Variants in SLC14A2 observed in about 807,000 individuals in gnomAD.
SLC14A2 encodes the protein solute carrier family 14 member 2.
Under a neutral mutation model 104.6 loss-of-function variants are expected in SLC14A2, and 91 were observed. The observed-to-expected ratio is 0.87, with a 90% CI of 0.73 to 1.04. The LOEUF (loss-of-function observed/expected upper bound fraction) is 1.04. Ranked by LOEUF, SLC14A2 falls within the 50% of genes least tolerant of loss-of-function variation. The probability of loss-of-function intolerance (pLI) is 0.00; values close to 1 mark genes in which losing one functional copy is unlikely to be tolerated. For missense variants in SLC14A2, 1,189 were observed against 1,156.0 expected (o/e 1.03, Z -0.41); for synonymous variants, 476 against 466.4 (o/e 1.02, Z -0.27).
intron 2 of SLC14A2, among the ~76,000 whole-genome samples, chr18:45,570,722 G>C (rs1410230281): frequency 6.6e-6 from 1 of 152,140 alleles, no homozygotes; most frequent in Non-Finnish European, 1.5e-5. Context: ...CCTCCTCCTG[G>C]AGTATCATTT....
intron 4 of SLC14A2, among the ~76,000 whole-genome samples, chr18:45,627,608 G>A (rs1480881638): frequency 6.6e-6 from 1 of 152,230 alleles, no homozygotes; most frequent in Non-Finnish European, 1.5e-5. Flanking sequence ...GAGGAGGACA[G>A]TGTGGGAAGG....
chr18:45,189,432 T>C, the SLC14A2 span, among the ~76,000 whole-genome samples: 1 of 152,206 alleles, frequency 6.6e-6, no homozygotes, highest in African/African-American at 2.4e-5. Flanking sequence ...GTTGTCTTTC[T>C]TGTTGATAGA....
intron 2 of SLC14A2, among the ~76,000 whole-genome samples, chr18:45,575,803 T>C (rs1000592181): frequency 1.7e-4 from 25 of 148,790 alleles, no homozygotes; most frequent in Admixed American, 6.0e-4. Flanking sequence ...TTTTTTTTTT[T>C]CTTCCCACTT....
intron 1 of SLC14A2, among the ~76,000 whole-genome samples, chr18:45,400,757 T>C (rs1355076914): frequency 6.6e-6 from 1 of 152,216 alleles, no homozygotes; most frequent in African/African-American, 2.4e-5. Flanking sequence ...GAGCTTTATT[T>C]TCTCCCCATG....
intron 2 of SLC14A2, among the ~76,000 whole-genome samples, chr18:45,607,227 A>C (rs1192032491): frequency 6.6e-6 from 1 of 152,190 alleles, no homozygotes; most frequent in East Asian, 1.9e-4. Context: ...TTCAAAACCA[A>C]TCCCCAGTCA....
At chr18:45,334,445 G>A (rs2085318894) in intron 1 of SLC14A2, among the ~76,000 whole-genome samples, 1 of 152,114 alleles carries the variant, frequency 6.6e-6, no homozygotes, top group Non-Finnish European at 1.5e-5. Flanking sequence ...CTGTACTACA[G>A]TGGCAGTAGT....
chr18:45,315,291 T>C (rs1249749689), intron 1 of SLC14A2, among the ~76,000 whole-genome samples: 2 of 151,952 alleles, frequency 1.3e-5, no homozygotes, highest in African/African-American at 4.8e-5. Flanking sequence ...CTGATTCCAG[T>C]TGTGGTCTAA....
intron 2 of SLC14A2, among the ~76,000 whole-genome samples, chr18:45,501,852 C>G (rs1370307977): frequency 6.6e-6 from 1 of 152,184 alleles, no homozygotes; most frequent in African/African-American, 2.4e-5. Context: ...AAGGAGGAAG[C>G]CCACAAGTCT....
chr18:45,230,064 A>G (rs1246123133), intron 1 of SLC14A2, among the ~76,000 whole-genome samples: 5 of 152,222 alleles, frequency 3.3e-5, no homozygotes, highest in Admixed American at 2.0e-4. Flanking sequence ...TATGGTAAAC[A>G]CTATTTGAGG....
At chr18:45,303,195 C>T (rs1179603669) in intron 1 of SLC14A2, among the ~76,000 whole-genome samples, 1 of 152,154 alleles carries the variant, frequency 6.6e-6, no homozygotes, top group Non-Finnish European at 1.5e-5. Context: ...AGGGAAATGA[C>T]GTACAGAAAT....
chr18:45,593,453 TTC>T lies in SLC14A2; in HGVS notation c.-34-31176_-34-31175del, dbSNP rs528466593. On this transcript the variant is annotated intron_variant, in intron 2 of 20. Transcript: ENST00000586448. ...TAATAGTGAAATCCCAAGAATGACA[TTC>T]TGAGATATGATAACTAAGCATTTCC... 5.2e-3 allele frequency among the ~76,000 whole-genome samples: 793 copies of T among 151,572 alleles called. 3 individuals are homozygous for T. The highest frequency in any genetic ancestry group is 7.8e-3 in the Non-Finnish European group (533 of 67,954).
At chr18:45,538,058 G>A (rs2144849713) in intron 2 of SLC14A2, among the ~76,000 whole-genome samples, 1 of 152,226 alleles carries the variant, frequency 6.6e-6, no homozygotes, top group East Asian at 1.9e-4. Context: ...GAATGAGGGA[G>A]AAGCCTAGCT....
chr18:45,237,636 G>A (rs762863011), intron 1 of SLC14A2, among the ~76,000 whole-genome samples: 2 of 152,180 alleles, frequency 1.3e-5, no homozygotes, highest in Non-Finnish European at 2.9e-5. Flanking sequence ...TTTTCATATT[G>A]TTAGGGACAG....
At chr18:45,632,135 G>A (rs2045354091) in intron 4 of SLC14A2, among the ~76,000 whole-genome samples, 1 of 25,334 alleles carries the variant, frequency 3.9e-5, no homozygotes, top group Non-Finnish European at 9.6e-5. Context: ...AAGGGTGTGT[G>A]TGTGTGTGTT....
chr18:45,176,386 T>G, the SLC14A2 span, among the ~76,000 whole-genome samples: 3 of 152,156 alleles, frequency 2.0e-5, no homozygotes, highest in Non-Finnish European at 2.9e-5. Flanking sequence ...GTCTTTGTAA[T>G]CTTAACCCCA....
intron 2 of SLC14A2, among the ~76,000 whole-genome samples, chr18:45,567,149 G>A (rs902633097): frequency 3.3e-5 from 5 of 150,828 alleles, no homozygotes; most frequent in African/African-American, 1.2e-4. Context: ...ACAGATTGAG[G>A]GGTACCCATT....
intron 2 of SLC14A2, among the ~76,000 whole-genome samples, chr18:45,593,598 T>A (rs1000839697): frequency 7.4e-5 from 11 of 147,694 alleles, no homozygotes; most frequent in African/African-American, 2.8e-4. Flanking sequence ...CACGCCGTTC[T>A]CCTGCCTCAG....
At chr18:45,619,866 A>T (rs1047788378) in intron 1 of SLC14A2, among the ~76,000 whole-genome samples, 1 of 152,176 alleles carries the variant, frequency 6.6e-6, no homozygotes, top group Non-Finnish European at 1.5e-5. Context: ...GAAAAGTAAG[A>T]TCACTAAGCG....
intron 1 of SLC14A2, among the ~76,000 whole-genome samples, chr18:45,234,294 C>T (rs960011468): frequency 6.6e-6 from 1 of 152,140 alleles, no homozygotes; most frequent in East Asian, 1.9e-4. Context: ...AAGGTAGGAA[C>T]TCATTTTGGA....
Sources: gnomAD v4.1 joint callset for allele counts (sites outside exome capture counted in the v4.1 genomes callset) on GRCh38, gnomAD v4.1.1 for gene constraint, MANE v1.5 for transcripts, NCBI Gene and HGNC (gene_info 2026-07-23, HGNC 2026-07-21) for gene names.